The following TMEM59 variants were observed in gnomAD, a reference collection of about 807,000 sequenced individuals.
The protein encoded by TMEM59 is dendritic cell factor 1.
Under a neutral mutation model 42.2 loss-of-function variants are expected in TMEM59, and 44 were observed. That is an observed-to-expected ratio of 1.04 (90% CI 0.82 to 1.34). TMEM59 has a LOEUF of 1.34. TMEM59 is among the 40% of genes most tolerant of loss of function. The pLI is 0.00. For synonymous variants in TMEM59, 148 were observed against 145.8 expected (o/e 1.02, Z -0.11); for missense variants, 359 against 382.8 (o/e 0.94, Z 0.52).
At chr1:54,038,584 G>A (rs1192481263) in intron 6 of TMEM59, among the ~76,000 whole-genome samples, 1 of 152,168 alleles carries the variant, frequency 6.6e-6, no homozygotes, top group East Asian at 1.9e-4. Context: ...TAACAGCTAC[G>A]ACCAGATTCC....
At chr1:54,047,516 A>C in intron 1 of TMEM59, 144 bp from the exon 2 acceptor site, 5 of 660,354 alleles carry the variant, frequency 7.6e-6, no homozygotes, top group South Asian at 7.5e-5. Flanking sequence ...AAATGATAGG[A>C]GCCAGTTGAT....
rs746149150 is a variant in TMEM59, at chr1:54,032,924, C to CT, written c.817-620dup. On this transcript the variant is annotated intron_variant, in intron 7 of 7. Transcript: ENST00000234831. The stretch of plus-strand genomic sequence containing the variant: ...GATATATGTATGAATGTCTCTGTCT[C>CT]TTTTTTTTTTTTTTTTAAAGAGACG... Among the ~76,000 whole-genome samples, 423 of 138,064 alleles carry CT rather than the reference C, an allele frequency of 3.1e-3. 1 individual carries two copies. Among genetic ancestry groups the CT allele is most frequent in the African/African-American group, 6.0e-3 (228 of 37,874 alleles). 90.6% of individuals were successfully genotyped at this position (138,064 alleles called of 152,430 possible).
At position 54,026,737 on chromosome 1, in the gene TMEM59, ATAAAT is replaced by A. The variant is rs1656610633; in HGVS notation, c.*5408_*5412del. 1 of 152,256 alleles carries A rather than the reference ATAAAT, an allele frequency of 6.6e-6. No homozygotes were observed. Among genetic ancestry groups the A allele is most frequent in the African/African-American group, 2.4e-5 (1 of 41,468 alleles). The allele number at this position is 152,256 out of a possible 1,614,324, so 9.4% of individuals were successfully genotyped here. A position where few individuals can be genotyped will look rare whatever the true frequency, so the allele number is the denominator to read the frequency against. On this transcript the variant is annotated 3_prime_UTR_variant, in exon 8 of 8. Coordinates refer to ENST00000234831, the MANE Select transcript of TMEM59 (RefSeq NM_004872.5). ...TTAAAGTTTACATACTTAAGCATAA[ATAAAT>A]TAACAGATTTGTAGCACCAATAATG...
At chr1:54,043,695 T>C (rs1027141261) in intron 3 of TMEM59, 170 bp from the exon 4 acceptor site, 6 of 331,810 alleles carry the variant, frequency 1.8e-5, no homozygotes, top group Non-Finnish European at 2.4e-5. Flanking sequence ...ATGCACATTA[T>C]GGTAAAGCTT....
chr1:54,035,019 T>C (rs754144958), intron 7 of TMEM59: 3 of 152,196 alleles, frequency 2.0e-5, no homozygotes, highest in Non-Finnish European at 4.4e-5. Flanking sequence ...TGAGGAGATG[T>C]TGGTTAAAGG....
chr1:54,046,521 A>G (rs1446788304), intron 2 of TMEM59, among the ~76,000 whole-genome samples: 3 of 152,182 alleles, frequency 2.0e-5, no homozygotes, highest in Non-Finnish European at 4.4e-5. Context: ...CATTTGTAAT[A>G]CACTTCTCAG....
chr1:54,029,464 A>G lies in TMEM59; in HGVS notation c.*2686T>C, dbSNP rs1211198809. 6.6e-6 allele frequency: 1 copy of G among 152,186 alleles called. No homozygotes were observed. The highest frequency in any genetic ancestry group is 1.5e-5 in the Non-Finnish European group (1 of 68,044). The allele number at this position is 152,186 out of a possible 1,614,324, so 9.4% of individuals were successfully genotyped here. A position where few individuals can be genotyped will look rare whatever the true frequency, so the allele number is the denominator to read the frequency against. On this transcript the variant is annotated 3_prime_UTR_variant, in exon 8 of 8. Coordinates refer to ENST00000234831, the MANE Select transcript of TMEM59 (RefSeq NM_004872.5). Reference sequence around the variant, plus strand: ...AGAATTTGCCTAGGACCAAGACCAGATTCTCAAGATGCTTTCTGTGTGGTA... The same window carrying G: ...AGAATTTGCCTAGGACCAAGACCAGGTTCTCAAGATGCTTTCTGTGTGGTA...
chr1:54,037,912 T>C (rs999832159), intron 6 of TMEM59, among the ~76,000 whole-genome samples: 7 of 152,210 alleles, frequency 4.6e-5, no homozygotes, highest in Non-Finnish European at 8.8e-5. Flanking sequence ...ATATTTGATA[T>C]CTAGATTCCA....
chr1:54,052,957 G>A, intron 1 of TMEM59, 43 bp downstream of exon 1: 1 of 1,571,034 alleles, frequency 6.4e-7, no homozygotes, highest in Non-Finnish European at 8.7e-7. Context: ...CCGAGAAATG[G>A]GCTGCAAGGG....
At chr1:54,049,882 G>A (rs1034677298) in intron 1 of TMEM59, among the ~76,000 whole-genome samples, 7 of 152,116 alleles carry the variant, frequency 4.6e-5, no homozygotes, top group Admixed American at 6.6e-5. Context: ...TAATCAAGGA[G>A]CTGGGAATAA....
At chr1:54,050,813 C>G (rs1342072070) in intron 1 of TMEM59, among the ~76,000 whole-genome samples, 3 of 152,096 alleles carry the variant, frequency 2.0e-5, no homozygotes, top group Middle Eastern at 6.8e-3. Context: ...CCACCCGCCT[C>G]AGCTTCCCAA....
chr1:54,036,675 T>A lies in TMEM59; in HGVS notation c.751A>T (p.Met251Leu), dbSNP rs1355193019. ...GCACAACAAATCCAAAGCAATACCA[T>A]CACCGAGAGGACAAGAGTTGTAGTT... ...ILTTTLVLSV[M>L]VLLWICCATV... Residue 251 changes from methionine to leucine, a missense_variant, in exon 7 of 8, where the codon ATG becomes TTG. Met to Leu is a conservative substitution (Grantham distance 15, BLOSUM62 2). Coordinates refer to ENST00000234831, the MANE Select transcript of TMEM59 (RefSeq NM_004872.5). 6.2e-7 allele frequency: 1 copy of A among 1,608,992 alleles called. No individual in the cohort carries two copies. Among genetic ancestry groups the A allele is most frequent in the South Asian group, 1.1e-5 (1 of 90,470 alleles).
chr1:54,044,152 G>A (rs1657242123), intron 3 of TMEM59: 1 of 151,536 alleles, frequency 6.6e-6, no homozygotes, highest in Non-Finnish European at 1.5e-5. Flanking sequence ...ACCATCCTGG[G>A]CAACATGGTG....
At chr1:54,053,510 C>G, upstream of TMEM59, 1 of 298,396 alleles carries the variant, frequency 3.4e-6, no homozygotes, top group South Asian at 6.0e-5. Flanking sequence ...ACGGTGCTGT[C>G]GGGAAAGTTG....
At chr1:54,047,199 T>C in intron 2 of TMEM59, 68 bp downstream of exon 2, 2 of 1,291,522 alleles carry the variant, frequency 1.5e-6, no homozygotes, top group South Asian at 1.4e-5. Flanking sequence ...CTAAAGAAAA[T>C]ACTTCAAAAG....
chr1:54,039,775 T>C (rs1657077522), intron 6 of TMEM59, among the ~76,000 whole-genome samples: 2 of 152,042 alleles, frequency 1.3e-5, no homozygotes, highest in African/African-American at 2.4e-5. Flanking sequence ...GAGTAGGTGA[T>C]AGTCAATAAG....
Position 54,027,770 on chromosome 1 carries a change from CA to C in TMEM59, c.*4379del, listed in dbSNP as rs113234374. Reference sequence around the variant, plus strand: ...TGAGTAACAGTGTGAGACTCTGTCTCAAAAAAAAAAAAAGTGAAATATATGA... The same window carrying C: ...TGAGTAACAGTGTGAGACTCTGTCTCAAAAAAAAAAAAGTGAAATATATGA... On this transcript the variant is annotated 3_prime_UTR_variant, in exon 8 of 8. Coordinates refer to ENST00000234831, the MANE Select transcript of TMEM59 (RefSeq NM_004872.5). 232 of 129,868 alleles carry C rather than the reference CA, an allele frequency of 1.8e-3. No homozygotes were observed. Among genetic ancestry groups the C allele is most frequent in the African/African-American group, 2.6e-3 (97 of 37,132 alleles). 8.0% of individuals were successfully genotyped at this position (129,868 alleles called of 1,614,324 possible).
At chr1:54,045,408 C>A in intron 3 of TMEM59, 1 of 355,882 alleles carries the variant, frequency 2.8e-6, no homozygotes, top group East Asian at 4.7e-5. Flanking sequence ...GAAATAATTC[C>A]TCTGAGCCTT....
At position 54,030,300 on chromosome 1, in the gene TMEM59, GT is replaced by G. The variant is rs1194157527; in HGVS notation, c.*1849del. 8 of 152,034 alleles carry G rather than the reference GT, an allele frequency of 5.3e-5. No individual in the cohort carries two copies. The highest frequency in any genetic ancestry group is 1.0e-4 in the Non-Finnish European group (7 of 68,018). 9.4% of individuals were successfully genotyped at this position (152,034 alleles called of 1,614,324 possible). On this transcript the variant is annotated 3_prime_UTR_variant, in exon 8 of 8. Transcript: ENST00000234831. The stretch of plus-strand genomic sequence containing the variant: ...TTCCTGTGAGACAGCAGCATTTTGT[GT>G]TTCTCTGTTTGCTTCATTGGATGCA...
Sources: allele counts gnomAD v4.1 joint callset (sites outside exome capture counted in the v4.1 genomes callset), GRCh38; gene constraint gnomAD v4.1.1; transcripts MANE v1.5; gene names NCBI Gene and HGNC (gene_info 2026-07-23, HGNC 2026-07-21).